Variants in ZMYND11 observed in about 807,000 individuals in gnomAD.
ZMYND11 encodes the protein zinc finger MYND-type containing 11, also known as zinc finger MYND domain-containing protein 11.
Under a neutral mutation model 84.9 loss-of-function variants are expected in ZMYND11, and 9 were observed. The ratio of observed to expected loss-of-function variants is 0.11; its 90% CI spans 0.06 to 0.18. The LOEUF is 0.18. Ranked by LOEUF, ZMYND11 falls within the 10% of genes least tolerant of loss-of-function variation. The pLI is 1.00. For missense variants in ZMYND11, 409 were observed against 761.0 expected, an observed-to-expected ratio of 0.54 and a Z score of 5.44; for synonymous variants, 250 against 244.1, an observed-to-expected ratio of 1.02 and a Z score of -0.23.
At chr10:235,855 ATATTT>A (rs1292470741) in intron 4 of ZMYND11, among the ~76,000 whole-genome samples, 1 of 152,224 alleles carries the variant, frequency 6.6e-6, no homozygotes, top group Non-Finnish European at 1.5e-5. Flanking sequence ...TGTTATTTAG[ATATTT>A]TATGTGTTTA....
chr10:179,586 ATAAAC>A lies in ZMYND11; in HGVS notation c.-19-403_-19-399del, dbSNP rs151273482. Among the ~76,000 whole-genome samples the A allele has an allele frequency of 3.6e-3, 554 of 152,328 alleles. 20 individuals carry two copies. In the East Asian group the frequency reaches 0.093, roughly 26 times the overall value. ...ATTTGATTTTTAAGCCATGATTATAATAAACTAAAGTGCCAATTAGAATATTTAAA... is the reference window on the plus strand; with the variant it reads ...ATTTGATTTTTAAGCCATGATTATAATAAAGTGCCAATTAGAATATTTAAA... On this transcript the variant is annotated intron_variant, in intron 1 of 14. Coordinates refer to ENST00000381604, the MANE Select transcript of ZMYND11 (RefSeq NM_001370100.5).
intron 2 of ZMYND11, among the ~76,000 whole-genome samples, chr10:187,504 G>C (rs1284507921): frequency 6.6e-6 from 1 of 151,888 alleles, no homozygotes; most frequent in East Asian, 1.9e-4. Context: ...CGCGGTGGCG[G>C]GCGCCTGTAG....
chr10:246,613 C>T lies in ZMYND11; in HGVS notation c.951-153C>T, dbSNP rs183852668. On this transcript the variant is annotated intron_variant, in intron 10 of 14. Transcript: ENST00000381604. ...TTGTGGTTTTCGCAATTAAAAGTAACGGCAGAACCCACAATTGCTTTTGCA... is the reference window on the plus strand; with the variant it reads ...TTGTGGTTTTCGCAATTAAAAGTAATGGCAGAACCCACAATTGCTTTTGCA... Among the ~76,000 whole-genome samples, 506 of 152,272 alleles carry T rather than the reference C, an allele frequency of 3.3e-3. 4 individuals carry two copies. Among genetic ancestry groups the T allele is most frequent in the Middle Eastern group, 6.8e-3 (2 of 294 alleles).
chr10:167,336 G>C (rs1216227294), intron 1 of ZMYND11, among the ~76,000 whole-genome samples: 5 of 152,002 alleles, frequency 3.3e-5, no homozygotes, highest in African/African-American at 4.8e-5. Flanking sequence ...AATTGTATGT[G>C]AATTATACCT....
Position 245,929 on chromosome 10 carries a change from C to T in ZMYND11, c.951-837C>T, listed in dbSNP as rs145706065. 4.7e-3 allele frequency among the ~76,000 whole-genome samples: 720 copies of T among 152,230 alleles called. 4 individuals carry two copies. Among genetic ancestry groups the T allele is most frequent in the African/African-American group, 0.016 (660 of 41,528 alleles). ...AACACCTGTGGGCAGCATCTCTTGC[C>T]GCTGTCAAATGAGGCAATGAAACTC... is the stretch of plus-strand genomic sequence containing the variant. On this transcript the variant is annotated intron_variant, in intron 10 of 14. Transcript: ENST00000381604.
In ZMYND11 at chr10:242,084, A is replaced by C. The variant is rs1021073827; in HGVS notation, c.895A>C (p.Met299Leu). ...KGFGFWPAKV[M>L]QKEDNQVDVR... ...TTTTGGGTTTTGGCCAGCCAAAGTC[A>C]TGCAGAAAGAAGACAATCAAGTCGA... Residue 299 changes from methionine (M) to leucine (L), a missense_variant, in exon 10 of 15, where the codon ATG (methionine) becomes CTG (leucine). Physicochemically the swap from Met to Leu is conservative, Grantham distance 15. Coordinates refer to ENST00000381604, the MANE Select transcript of ZMYND11 (RefSeq NM_001370100.5). The C allele has an allele frequency of 5.6e-6, 9 of 1,614,124 alleles. No homozygotes were observed. Among genetic ancestry groups the C allele is most frequent in the Non-Finnish European group, 7.6e-6 (9 of 1,179,948 alleles).
chr10:247,493 GGT>G (rs1266407618), intron 12 of ZMYND11, 27 bp downstream of exon 12: 1 of 1,608,072 alleles, frequency 6.2e-7, no homozygotes, highest in African/African-American at 1.3e-5. Context: ...GCAGTATCCA[GGT>G]GGCAAATGAA....
chr10:249,096 C>G lies in ZMYND11; in HGVS notation c.1686+8C>G, dbSNP rs763770189. 3 of 1,614,076 alleles carry G rather than the reference C, an allele frequency of 1.9e-6. No individual in the cohort carries two copies. The South Asian group carries it at 3.3e-5, about 18-fold the overall frequency. On this transcript the variant is annotated splice_region_variant and intron_variant, in intron 14 of 14. Transcript: ENST00000381604. Reference sequence around the variant, plus strand: ...ACCAAGAAGAAGCAGTGGGTAAATACCAGTCTTTTTTAGACCCTTATTTCT... The same window carrying G: ...ACCAAGAAGAAGCAGTGGGTAAATAGCAGTCTTTTTTAGACCCTTATTTCT...
At chr10:132,852 C>G (rs143603761), upstream of ZMYND11, among the ~76,000 whole-genome samples, 3 of 152,124 alleles carry the variant, frequency 2.0e-5, no homozygotes, top group Admixed American at 2.0e-4. Flanking sequence ...CCCGACAGCT[C>G]TGAGAAGCCC....
chr10:173,133 T>A (rs975188710), intron 1 of ZMYND11, among the ~76,000 whole-genome samples: 2 of 151,880 alleles, frequency 1.3e-5, no homozygotes. Context: ...AATACAAAAC[T>A]GTAAAACTCT....
intron 3 of ZMYND11, among the ~76,000 whole-genome samples, chr10:213,456 A>G (rs1051466683): frequency 2.6e-5 from 4 of 152,220 alleles, no homozygotes; most frequent in Non-Finnish European, 5.9e-5. Context: ...TCCATCAAGA[A>G]AGGAACATGA....
At chr10:231,310 C>G (rs1485986831) in intron 4 of ZMYND11, among the ~76,000 whole-genome samples, 2 of 152,198 alleles carry the variant, frequency 1.3e-5, no homozygotes, top group Non-Finnish European at 2.9e-5. Flanking sequence ...GCCCTTGTCT[C>G]ATTTAATCAC....
At position 148,886 on chromosome 10, in the gene ZMYND11, A is replaced by G. The variant is rs1182896515; in HGVS notation, c.-20+13327A>G. 5 of 152,210 alleles carry G rather than the reference A, an allele frequency of 3.3e-5. No homozygotes were observed. In the East Asian group the frequency reaches 9.6e-4, roughly 29 times the overall value. 9.4% of individuals were successfully genotyped at this position (152,210 alleles called of 1,614,324 possible). A position where few individuals can be genotyped will look rare whatever the true frequency, so the allele number is the denominator to read the frequency against. On this transcript the variant is annotated intron_variant, in intron 1 of 14. Coordinates refer to ENST00000381604, the MANE Select transcript of ZMYND11 (RefSeq NM_001370100.5). ...GATAACATACAACGTCTGTGTTTTT[A>G]AAGTGTGCTAAGTCAAATTTTCTTA...
chr10:190,844 C>T (rs188790762), intron 2 of ZMYND11, among the ~76,000 whole-genome samples: 84 of 152,194 alleles, frequency 5.5e-4, no homozygotes, highest in Non-Finnish European at 1.0e-3. Context: ...ATTTTTGAGA[C>T]ATTCCTTATT....
intron 4 of ZMYND11, among the ~76,000 whole-genome samples, chr10:231,204 C>T (rs139203918): frequency 3.5e-4 from 54 of 152,330 alleles, no homozygotes; most frequent in African/African-American, 1.3e-3. Flanking sequence ...AAAATATTTG[C>T]TCTCTGGCCC....
At chr10:200,027 GC>G (rs1419823967) in intron 2 of ZMYND11, among the ~76,000 whole-genome samples, 1 of 151,602 alleles carries the variant, frequency 6.6e-6, no homozygotes, top group African/African-American at 2.4e-5. Flanking sequence ...ACCATGCCTG[GC>G]TAAATAAGAA....
chr10:200,496 T>G (rs2131089490), intron 2 of ZMYND11, among the ~76,000 whole-genome samples: 1 of 151,576 alleles, frequency 6.6e-6, no homozygotes, highest in Non-Finnish European at 1.5e-5. Context: ...CCCAGGCTGA[T>G]CTTGAACTGC....
At chr10:157,135 T>C (rs1285797266) in intron 1 of ZMYND11, among the ~76,000 whole-genome samples, 2 of 152,248 alleles carry the variant, frequency 1.3e-5, no homozygotes, top group Non-Finnish European at 2.9e-5. Flanking sequence ...GGTAAAATGT[T>C]AAATTGTAGC....
At chr10:177,455 C>G (rs2131742734) in intron 1 of ZMYND11, among the ~76,000 whole-genome samples, 1 of 152,250 alleles carries the variant, frequency 6.6e-6, no homozygotes, top group South Asian at 2.1e-4. Context: ...TTTTTAACTT[C>G]ACACCTGTTT....
Sources: allele counts gnomAD v4.1 joint callset (sites outside exome capture counted in the v4.1 genomes callset), GRCh38; gene constraint gnomAD v4.1.1; transcripts MANE v1.5; gene names NCBI Gene and HGNC (gene_info 2026-07-23, HGNC 2026-07-21).